Variants in MKLN1 observed in about 807,000 individuals in gnomAD.
The protein encoded by MKLN1 is muskelin 1.
Under a neutral mutation model 99.0 loss-of-function variants are expected in MKLN1, and 18 were observed. The ratio of observed to expected loss-of-function variants is 0.18; its 90% CI spans 0.13 to 0.27. MKLN1 has a LOEUF of 0.27. Among genes scored for constraint, MKLN1 ranks in the 10% least tolerant of loss-of-function variants. MKLN1 has a pLI of 1.00. For synonymous variants in MKLN1, 288 were observed against 293.2 expected, an observed-to-expected ratio of 0.98 and a Z score of 0.18; for missense variants, 621 against 875.9, an observed-to-expected ratio of 0.71 and a Z score of 3.67.
chr7:131,115,633 A>AGG (rs1795264635), intron 1 of MKLN1, among the ~76,000 whole-genome samples: 1 of 152,144 alleles, frequency 6.6e-6, no homozygotes, highest in Non-Finnish European at 1.5e-5. Flanking sequence ...GGGCCCGTGG[A>AGG]GCCCTGTACG....
chr7:131,302,456 C>T (rs768883835), intron 3 of MKLN1, among the ~76,000 whole-genome samples: 1 of 152,160 alleles, frequency 6.6e-6, no homozygotes, highest in Non-Finnish European at 1.5e-5. Flanking sequence ...CGCTGGGGTA[C>T]TCTTTTTCTG....
chr7:131,275,565 A>G (rs56341014), intron 3 of MKLN1, among the ~76,000 whole-genome samples: 1 of 6,610 alleles, frequency 1.5e-4, no homozygotes, highest in African/African-American at 5.6e-4. Context: ...ATATATATAT[A>G]TATTTTTTTT....
intron 3 of MKLN1, among the ~76,000 whole-genome samples, chr7:131,232,041 C>T (rs1797251627): frequency 6.6e-6 from 1 of 152,050 alleles, no homozygotes; most frequent in African/African-American, 2.4e-5. Context: ...AAATTCATTC[C>T]TATAATTTTT....
intron 8 of MKLN1, 36 bp from the exon 9 acceptor site, chr7:131,428,997 C>CTT (rs149735434): frequency 2.2e-5 from 29 of 1,310,770 alleles, no homozygotes; most frequent in South Asian, 4.1e-5. Flanking sequence ...TTATTTTGTC[C>CTT]TTTTTTTTTT....
At chr7:131,307,141 C>T (rs568684084) in intron 3 of MKLN1, among the ~76,000 whole-genome samples, 1 of 152,230 alleles carries the variant, frequency 6.6e-6, no homozygotes, top group African/African-American at 2.4e-5. Flanking sequence ...CCAGAGTGTG[C>T]TGCCCCATAT....
At chr7:131,395,149 A>G (rs1563327104) in intron 4 of MKLN1, among the ~76,000 whole-genome samples, 3 of 152,098 alleles carry the variant, frequency 2.0e-5, no homozygotes, top group Admixed American at 6.5e-5. Flanking sequence ...GACAGCAAAT[A>G]TCGTTAAGTA....
At chr7:131,166,224 G>A (rs930075919) in intron 2 of MKLN1, among the ~76,000 whole-genome samples, 5 of 152,210 alleles carry the variant, frequency 3.3e-5, no homozygotes, top group South Asian at 2.1e-4. Flanking sequence ...GTTTTGGGAT[G>A]TAAAAGATTA....
intron 3 of MKLN1, among the ~76,000 whole-genome samples, chr7:131,302,158 T>C (rs1798385203): frequency 6.6e-6 from 1 of 152,256 alleles, no homozygotes; most frequent in Non-Finnish European, 1.5e-5. Context: ...TATTATATTT[T>C]ACATTCCAAC....
At chr7:131,208,396 G>A (rs1796850815) in intron 3 of MKLN1, among the ~76,000 whole-genome samples, 1 of 152,062 alleles carries the variant, frequency 6.6e-6, no homozygotes, top group Non-Finnish European at 1.5e-5. Context: ...GAGTTTGAGA[G>A]CAGCCTGGGC....
Position 131,411,461 on chromosome 7 carries a change from C to G in MKLN1, c.781+78C>G. 4.2e-6 allele frequency: 4 copies of G among 951,552 alleles called. No individual in the cohort carries two copies. In the South Asian group the frequency reaches 5.3e-5, roughly 13 times the overall value. The allele number at this position is 951,552 out of a possible 1,614,324, so 58.9% of individuals were successfully genotyped here. A position where few individuals can be genotyped will look rare whatever the true frequency, so the allele number is the denominator to read the frequency against. On this transcript the variant is annotated intron_variant, in intron 7 of 17. Transcript: ENST00000352689. ...AGTTTTCCCAAGGTAGTTCAAGTAT[C>G]ATAGTACTAAGTTAATAAAAAAGAA...
chr7:131,274,402 G>A (rs1170412572), intron 3 of MKLN1, among the ~76,000 whole-genome samples: 1 of 152,036 alleles, frequency 6.6e-6, no homozygotes, highest in Non-Finnish European at 1.5e-5. Flanking sequence ...CAGCACTTTG[G>A]GAGGGTGAGG....
At chr7:131,273,465 G>A (rs1056117770) in intron 3 of MKLN1, among the ~76,000 whole-genome samples, 5 of 152,164 alleles carry the variant, frequency 3.3e-5, no homozygotes, top group Non-Finnish European at 5.9e-5. Flanking sequence ...AGTAGCAGTG[G>A]TTTGAGCTCC....
intron 1 of MKLN1, among the ~76,000 whole-genome samples, chr7:131,340,258 A>G (rs1799366955): frequency 2.1e-5 from 3 of 141,596 alleles, no homozygotes. Flanking sequence ...ATCATTTTTT[A>G]CAGTTTGTAA....
chr7:131,251,670 CTT>C (rs71311093), intron 3 of MKLN1, among the ~76,000 whole-genome samples: 39 of 143,688 alleles, frequency 2.7e-4, no homozygotes, highest in Admixed American at 6.3e-4. Flanking sequence ...GCAACATTTT[CTT>C]TTTTTTTTTT....
At chr7:131,412,724 G>C (rs1286736008) in intron 7 of MKLN1, among the ~76,000 whole-genome samples, 1 of 152,156 alleles carries the variant, frequency 6.6e-6, no homozygotes, top group Non-Finnish European at 1.5e-5. Context: ...AATTAACATA[G>C]TGGAAAGTGT....
intron 3 of MKLN1, among the ~76,000 whole-genome samples, chr7:131,211,602 G>T (rs1264512194): frequency 1.4e-5 from 2 of 146,442 alleles, no homozygotes; most frequent in African/African-American, 2.5e-5. Flanking sequence ...CAACCCTTGT[G>T]TTTTTTTTTT....
Position 131,116,442 on chromosome 7 carries a change from G to A in MKLN1, c.-419+6235G>A, listed in dbSNP as rs533213250. Among the ~76,000 whole-genome samples the A allele has an allele frequency of 9.0e-4, 137 of 152,056 alleles. 2 individuals carry two copies. Among genetic ancestry groups the A allele is most frequent in the African/African-American group, 3.2e-3 (134 of 41,410 alleles). ...GGCTGTTAGGAAAATGAAACGAAAT[G>A]GAATAGGTATAGGCATAAGGCAGTC... is the stretch of plus-strand genomic sequence containing the variant. On this transcript the variant is annotated intron_variant, in intron 1 of 7. Transcript: ENST00000416992.
intron 1 of MKLN1, among the ~76,000 whole-genome samples, chr7:131,346,463 A>G (rs1799564452): frequency 6.6e-6 from 1 of 152,052 alleles, no homozygotes; most frequent in South Asian, 2.1e-4. Flanking sequence ...CGGAGGTTGC[A>G]GTGAGCTGAG....
intron 2 of MKLN1, among the ~76,000 whole-genome samples, chr7:131,143,789 C>T (rs752843677): frequency 2.0e-5 from 3 of 152,152 alleles, no homozygotes; most frequent in Non-Finnish European, 2.9e-5. Flanking sequence ...GATCACAACA[C>T]TGCACTCTAG....
Sources: allele counts gnomAD v4.1 joint callset (sites outside exome capture counted in the v4.1 genomes callset), GRCh38; gene constraint gnomAD v4.1.1; transcripts MANE v1.5; gene names NCBI Gene and HGNC (gene_info 2026-07-23, HGNC 2026-07-21).